The following CDON variants were observed in gnomAD, a reference collection of about 807,000 sequenced individuals.
The protein encoded by CDON is cell adhesion molecule-related/down-regulated by oncogenes.
In CDON, 73 loss-of-function variants were observed where a neutral mutation model predicts 120.9. The ratio of observed to expected loss-of-function variants is 0.60; its 90% CI spans 0.50 to 0.73. The LOEUF (loss-of-function observed/expected upper bound fraction) is 0.73, where lower values mean the gene tolerates loss of function less well. Among genes scored for constraint, CDON ranks in the 30% least tolerant of loss-of-function variants. CDON has a pLI of 0.00. For missense variants in CDON, 1,470 were observed against 1,587.3 expected (o/e 0.93, Z 1.26); for synonymous variants, 566 against 573.5 (o/e 0.99, Z 0.19).
chr11:125,962,627 G>A (rs796674414), intron 18 of CDON, among the ~76,000 whole-genome samples: 2 of 152,158 alleles, frequency 1.3e-5, no homozygotes, highest in African/African-American at 2.4e-5. Context: ...CTGCCTTTAC[G>A]TACAATGTGT....
intron 18 of CDON, among the ~76,000 whole-genome samples, chr11:125,967,037 G>C (rs865860852): frequency 6.9e-6 from 1 of 145,220 alleles, no homozygotes; most frequent in African/African-American, 2.6e-5. Flanking sequence ...AAAAAAAAAA[G>C]GAAATACAGA....
In CDON at chr11:126,049,006, C is replaced by G. The variant is rs573379147; in HGVS notation, c.-62+13573G>C. 2.0e-5 allele frequency among the ~76,000 whole-genome samples: 3 copies of G among 152,156 alleles called. No homozygotes were observed. The South Asian group carries it at 6.2e-4, about 32-fold the overall frequency. On this transcript the variant is annotated intron_variant, in intron 1 of 19. Transcript: ENST00000531738. ...GCGTGAGCCAACAGGCGTGAGCCAA[C>G]AGGCGTGAGCCACCGCGCCCAGCCC... is the stretch of plus-strand genomic sequence containing the variant.
chr11:126,017,001 C>T, intron 6 of CDON, 87 bp downstream of exon 6: 1 of 1,141,552 alleles, frequency 8.8e-7, no homozygotes, highest in Non-Finnish European at 1.3e-6. Flanking sequence ...CTCCCTATTT[C>T]AATTTCACAA....
At chr11:125,985,650 C>T (rs118078143) in intron 15 of CDON, among the ~76,000 whole-genome samples, 4,347 of 152,204 alleles carry the variant, frequency 0.029, 85 homozygotes, top group African/African-American at 0.052. Context: ...TGTTATGGTG[C>T]CAACAAACCA....
intron 1 of CDON, among the ~76,000 whole-genome samples, chr11:126,050,713 G>T (rs1948536689): frequency 1.3e-5 from 2 of 152,070 alleles, no homozygotes; most frequent in African/African-American, 4.8e-5. Flanking sequence ...CCAAGGACGG[G>T]GTGTGCCGTG....
At chr11:125,961,475 CA>C (rs1287230185) in intron 19 of CDON, among the ~76,000 whole-genome samples, 1 of 152,158 alleles carries the variant, frequency 6.6e-6, no homozygotes, top group Non-Finnish European at 1.5e-5. Context: ...AGCCTATTTC[CA>C]AATAGATTTT....
intron 9 of CDON, among the ~76,000 whole-genome samples, chr11:126,005,169 G>A (rs1252047526): frequency 4.6e-5 from 7 of 152,136 alleles, no homozygotes; most frequent in African/African-American, 9.7e-5. Flanking sequence ...AGGTGTGGTA[G>A]TGCATGCCTG....
chr11:125,989,695 T>C lies in CDON; in HGVS notation c.2715A>G (p.Gln905=), dbSNP rs140736169. 2.1e-5 allele frequency: 34 copies of C among 1,612,664 alleles called. No homozygotes were observed. Among genetic ancestry groups the C allele is most frequent in the Admixed American group, 3.3e-5 (2 of 59,998 alleles). ...QPETSYDIKM[Q]CFNEGGESEF... is the part of the protein sequence containing the mutation. ...CACTTTCTCCTCCTTCATTGAAGCATTGCATTTTAATGTCATAGGAGGTTT... is the reference window on the plus strand; with the variant it reads ...CACTTTCTCCTCCTTCATTGAAGCACTGCATTTTAATGTCATAGGAGGTTT... Residue 905 remains glutamine (Q), a synonymous_variant, in exon 15 of 20, where the codon CAA becomes CAG. Transcript: ENST00000531738.
chr11:126,014,265 A>G (rs999357029), intron 7 of CDON, among the ~76,000 whole-genome samples: 1 of 152,212 alleles, frequency 6.6e-6, no homozygotes, highest in African/African-American at 2.4e-5. Context: ...TGAGCGAAAG[A>G]CAAAGAACAG....
At chr11:126,055,965 A>C (rs1948671703) in intron 1 of CDON, among the ~76,000 whole-genome samples, 1 of 152,198 alleles carries the variant, frequency 6.6e-6, no homozygotes, top group African/African-American at 2.4e-5. Flanking sequence ...GTATTTATCC[A>C]ATGGCTGTTG....
intron 7 of CDON, among the ~76,000 whole-genome samples, chr11:126,011,724 G>A (rs1292859371): frequency 2.0e-5 from 3 of 152,118 alleles, no homozygotes; most frequent in Non-Finnish European, 4.4e-5. Flanking sequence ...TCATTTCAAT[G>A]TGGTCATCCT....
intron 11 of CDON, among the ~76,000 whole-genome samples, chr11:126,000,711 C>A (rs1946919228): frequency 6.6e-6 from 1 of 152,056 alleles, no homozygotes. Context: ...TAAGAGCACT[C>A]AAGTAAAAGA....
intron 1 of CDON, among the ~76,000 whole-genome samples, chr11:126,048,954 C>T (rs1040942668): frequency 2.6e-5 from 4 of 152,300 alleles, no homozygotes; most frequent in Admixed American, 6.5e-5. Flanking sequence ...CCGCCCACCT[C>T]GGCCTTCCAA....
chr11:126,063,032 C>A (rs947853703), upstream of CDON, among the ~76,000 whole-genome samples: 1 of 151,596 alleles, frequency 6.6e-6, no homozygotes, highest in African/African-American at 2.4e-5. Context: ...GGCCCGCACC[C>A]GGCCGGAGTG....
At chr11:126,008,407 A>G (rs1947189912) in intron 8 of CDON, among the ~76,000 whole-genome samples, 1 of 152,220 alleles carries the variant, frequency 6.6e-6, no homozygotes, top group Non-Finnish European at 1.5e-5. Context: ...AAAATTAAAA[A>G]AAGACAACGT....
chr11:125,987,462 T>C (rs1384060863), intron 15 of CDON, among the ~76,000 whole-genome samples: 2 of 152,178 alleles, frequency 1.3e-5, no homozygotes, highest in Non-Finnish European at 2.9e-5. Context: ...GAAGTACACA[T>C]GAGATCTTCC....
intron 1 of CDON, among the ~76,000 whole-genome samples, chr11:126,051,300 C>T (rs1948552718): frequency 6.6e-6 from 1 of 152,146 alleles, no homozygotes; most frequent in Non-Finnish European, 1.5e-5. Context: ...CCCTAACAAT[C>T]TACCTATCTG....
At chr11:125,992,832 C>G (rs1946668926) in intron 14 of CDON, among the ~76,000 whole-genome samples, 1 of 152,104 alleles carries the variant, frequency 6.6e-6, no homozygotes, top group South Asian at 2.1e-4. Flanking sequence ...ATAACCTTGG[C>G]CTATGGCAAT....
intron 14 of CDON, among the ~76,000 whole-genome samples, chr11:125,990,252 G>A (rs1033756325): frequency 2.0e-5 from 3 of 152,124 alleles, no homozygotes; most frequent in East Asian, 1.9e-4. Context: ...TGGATGCAAC[G>A]TGAACTGACA....
Sources: allele counts gnomAD v4.1 joint callset (sites outside exome capture counted in the v4.1 genomes callset), GRCh38; gene constraint gnomAD v4.1.1; transcripts MANE v1.5; gene names NCBI Gene and HGNC (gene_info 2026-07-23, HGNC 2026-07-21).